The following CYTH3 variants were observed in gnomAD, a reference collection of about 807,000 sequenced individuals.
The protein encoded by CYTH3 is cytohesin-3.
Under a neutral mutation model 55.1 loss-of-function variants are expected in CYTH3, and 23 were observed. The observed-to-expected ratio is 0.42, with a 90% CI of 0.30 to 0.59. CYTH3 has a LOEUF of 0.59. Ranked by LOEUF, CYTH3 falls within the 20% of genes least tolerant of loss-of-function variation. CYTH3 has a pLI of 0.20. For synonymous variants in CYTH3, 249 were observed against 194.9 expected (o/e 1.28, Z -2.31); for missense variants, 413 against 524.8 (o/e 0.79, Z 2.08).
In CYTH3 at chr7:6,166,428, C is replaced by T. The variant is rs181029708; in HGVS notation, c.824-618G>A. On this transcript the variant is annotated intron_variant, in intron 9 of 12. Transcript: ENST00000350796. ...GTTTTTTAAATAATTCAAAGAAATA[C>T]ACGCTGGTGACAATGAACTCAAGTG... Among the ~76,000 whole-genome samples, 52 of 152,154 alleles carry T rather than the reference C, an allele frequency of 3.4e-4. No homozygotes were observed. The East Asian group carries it at 9.1e-3, about 26-fold the overall frequency.
At chr7:6,190,340 T>C in intron 2 of CYTH3, 109 bp downstream of exon 2, 1 of 931,042 alleles carries the variant, frequency 1.1e-6, no homozygotes, top group Non-Finnish European at 1.5e-6. Context: ...TATTTTTTGT[T>C]TTTGGGTTTT....
chr7:6,242,044 TAC>T (rs1779685834), intron 1 of CYTH3, among the ~76,000 whole-genome samples: 1 of 152,158 alleles, frequency 6.6e-6, no homozygotes, highest in Non-Finnish European at 1.5e-5. Context: ...AACACACCTT[TAC>T]ACAAAGGAAG....
At chr7:6,216,188 T>C (rs1458915365) in intron 1 of CYTH3, among the ~76,000 whole-genome samples, 2 of 152,264 alleles carry the variant, frequency 1.3e-5, no homozygotes, top group South Asian at 2.1e-4. Context: ...CGTTTCACGG[T>C]TGAGGCAAAA....
chr7:6,204,855 A>G (rs7803143), intron 1 of CYTH3, among the ~76,000 whole-genome samples: 8,251 of 152,308 alleles, frequency 0.054, 513 homozygotes, highest in East Asian at 0.29. Context: ...CAATCAAGTT[A>G]AAAATCAATT....
At chr7:6,174,119 C>CTT (rs143187005) in intron 5 of CYTH3, among the ~76,000 whole-genome samples, 188 of 147,616 alleles carry the variant, frequency 1.3e-3, no homozygotes, top group Non-Finnish European at 1.9e-3. Flanking sequence ...ATTTTATATC[C>CTT]TTTTTTTTTT....
At chr7:6,165,039 CAGGTT>C in intron 12 of CYTH3, 23 bp from the exon 13 acceptor site, 1 of 1,614,050 alleles carries the variant, frequency 6.2e-7, no homozygotes, top group Non-Finnish European at 8.5e-7. Flanking sequence ...GGAAAACACA[CAGGTT>C]AGGTCGTGGG....
At chr7:6,187,316 A>G (rs1783680612) in intron 3 of CYTH3, among the ~76,000 whole-genome samples, 200 bp from the exon 4 acceptor site, 1 of 152,236 alleles carries the variant, frequency 6.6e-6, no homozygotes, top group Non-Finnish European at 1.5e-5. Flanking sequence ...AACTTGAGAC[A>G]CTTCAGAAAA....
At chr7:6,234,521 G>C (rs1393637838) in intron 1 of CYTH3, among the ~76,000 whole-genome samples, 1 of 152,306 alleles carries the variant, frequency 6.6e-6, no homozygotes, top group East Asian at 1.9e-4. Flanking sequence ...GCCCCATAGA[G>C]GAAGTCACCA....
intron 1 of CYTH3, among the ~76,000 whole-genome samples, chr7:6,232,479 C>T (rs1199477075): frequency 6.6e-6 from 1 of 152,202 alleles, no homozygotes; most frequent in Non-Finnish European, 1.5e-5. Context: ...CACTTGCCAT[C>T]ACAGAAGCAA....
intron 1 of CYTH3, among the ~76,000 whole-genome samples, chr7:6,255,765 T>C (rs919282058): frequency 3.5e-4 from 50 of 143,640 alleles, no homozygotes; most frequent in African/African-American, 1.2e-3. Context: ...TCTGTTTTTT[T>C]TTTTTTTTTT....
At chr7:6,266,709 G>C (rs932456627) in intron 1 of CYTH3, among the ~76,000 whole-genome samples, 2 of 150,754 alleles carry the variant, frequency 1.3e-5, no homozygotes, top group Non-Finnish European at 3.0e-5. Flanking sequence ...CCCTGGCCAC[G>C]GGCTTTCCCT....
chr7:6,253,854 G>A (rs1400130370), intron 1 of CYTH3, among the ~76,000 whole-genome samples: 2 of 150,172 alleles, frequency 1.3e-5, no homozygotes, highest in African/African-American at 4.9e-5. Context: ...GAGGCCAGGT[G>A]CAGTGGCAGG....
At chr7:6,183,549 T>C (rs1369189206) in intron 4 of CYTH3, among the ~76,000 whole-genome samples, 1 of 152,208 alleles carries the variant, frequency 6.6e-6, no homozygotes, top group Non-Finnish European at 1.5e-5. Flanking sequence ...GCTCCCTGTT[T>C]AAAGTGTCAT....
intron 1 of CYTH3, among the ~76,000 whole-genome samples, chr7:6,192,588 G>A (rs189954616): frequency 6.7e-6 from 1 of 148,200 alleles, no homozygotes; most frequent in African/African-American, 2.5e-5. Flanking sequence ...CTGGAGTGCG[G>A]TGGCACGATC....
At position 6,167,246 on chromosome 7, in the gene CYTH3, G is replaced by C. The variant is rs1783036317; in HGVS notation, c.824-1436C>G. Reference sequence around the variant, plus strand: ...TCCCCACCTCCACTGCAGCACACCAGGGAGGCCCAAGTCCACAGGGGAGGG... The same window carrying C: ...TCCCCACCTCCACTGCAGCACACCACGGAGGCCCAAGTCCACAGGGGAGGG... On this transcript the variant is annotated intron_variant, in intron 9 of 12. Coordinates refer to ENST00000350796, the MANE Select transcript of CYTH3 (RefSeq NM_004227.4). The surrounding 1 kb of genome is among the most constrained non-coding windows in gnomAD (Gnocchi z 5.5). 6.6e-6 allele frequency among the ~76,000 whole-genome samples: 1 copy of C among 152,184 alleles called. No individual in the cohort carries two copies. The highest frequency in any genetic ancestry group is 2.1e-4 in the South Asian group (1 of 4,832).
rs944844969 is a variant in CYTH3 at position 6,171,668 on chromosome 7, G to A, written c.450-354C>T. The A allele has an allele frequency of 7.5e-5, 20 of 267,892 alleles. No homozygotes were observed. The highest frequency in any genetic ancestry group is 3.5e-4 in the African/African-American group (16 of 46,124). 16.6% of individuals were successfully genotyped at this position (267,892 alleles called of 1,614,324 possible). A position where few individuals can be genotyped will look rare whatever the true frequency, so the allele number is the denominator to read the frequency against. On this transcript the variant is annotated intron_variant, in intron 6 of 12. Coordinates refer to ENST00000350796, the MANE Select transcript of CYTH3 (RefSeq NM_004227.4). The surrounding 1 kb of genome is among the most constrained non-coding windows in gnomAD (Gnocchi z 6.7). ...TGATCACCAGAGCCCTGCCTGTCCC[G>A]AGCTGCCACCAGCCGGTCCTCCTTT...
intron 1 of CYTH3, among the ~76,000 whole-genome samples, chr7:6,258,624 C>T (rs913769564): frequency 1.3e-5 from 2 of 149,968 alleles, no homozygotes; most frequent in Non-Finnish European, 2.9e-5. Context: ...GTCTTCTACA[C>T]AGAGTCAAAT....
intron 12 of CYTH3, 57 bp downstream of exon 12, chr7:6,165,216 C>T (rs569610057): frequency 1.2e-4 from 182 of 1,577,192 alleles, no homozygotes; most frequent in Middle Eastern, 2.1e-4. Flanking sequence ...GACCATCCCC[C>T]GCCCTCCAAC....
At position 6,165,732 on chromosome 7, in the gene CYTH3, AC is replaced by A; in HGVS notation, c.900+1del. 1 of 1,614,118 alleles carries A rather than the reference AC, an allele frequency of 6.2e-7. No individual in the cohort carries two copies. Among genetic ancestry groups the A allele is most frequent in the Non-Finnish European group, 8.5e-7 (1 of 1,179,992 alleles). On this transcript the variant is annotated splice_donor_variant, in intron 10 of 12. Transcript: ENST00000350796. LOFTEE classifies it high-confidence loss of function. The stretch of plus-strand genomic sequence containing the variant: ...CGGCAAGGAGGCCTGGCCCTTACTT[AC>A]TGTTGTGTATTCAAAGTAATAGAGG...
Sources: allele counts gnomAD v4.1 joint callset (sites outside exome capture counted in the v4.1 genomes callset), GRCh38; gene constraint gnomAD v4.1.1; non-coding constraint Gnocchi (gnomAD v3.1); transcripts MANE v1.5; gene names NCBI Gene and HGNC (gene_info 2026-07-23, HGNC 2026-07-21).